Variants in SLC25A33 observed in about 807,000 individuals in gnomAD.
SLC25A33 encodes the protein solute carrier family 25 member 33.
A neutral mutation model predicts 35.5 loss-of-function variants in SLC25A33; 15 were observed. That is an observed-to-expected ratio of 0.42 (90% CI 0.28 to 0.65). SLC25A33 has a LOEUF of 0.65. SLC25A33 is among the 30% of genes least tolerant of loss of function. The pLI, the probability that SLC25A33 is intolerant of heterozygous loss-of-function variation, is 0.20. For synonymous variants in SLC25A33, 136 were observed against 148.7 expected (o/e 0.91, Z 0.62); for missense variants, 257 against 398.5 (o/e 0.64, Z 3.02).
At chr1:9,540,512 T>C (rs1461687769) in intron 1 of SLC25A33, among the ~76,000 whole-genome samples, 1 of 152,102 alleles carries the variant, frequency 6.6e-6, no homozygotes, top group African/African-American at 2.4e-5. Context: ...ATGGTACCCC[T>C]CGCCACCTCC....
intron 2 of SLC25A33, among the ~76,000 whole-genome samples, chr1:9,565,409 G>T (rs995006239): frequency 5.3e-5 from 8 of 151,610 alleles, no homozygotes; most frequent in Admixed American, 2.0e-4. Flanking sequence ...CCAGCTACTT[G>T]GTAGGCTGAG....
rs1254030862 is a variant in SLC25A33, at chr1:9,582,737, C to T, written c.*236C>T. On this transcript the variant is annotated 3_prime_UTR_variant, in exon 7 of 7. Transcript: ENST00000302692. This position sits in a 1 kb window ranked among gnomAD's most constrained non-coding sequence, Gnocchi z 4.0. ...ACTTAAGAGGATTCAGGGTTAAGCACCAACTAAATTAAATCATGCTATTTA... is the reference window on the plus strand; with the variant it reads ...ACTTAAGAGGATTCAGGGTTAAGCATCAACTAAATTAAATCATGCTATTTA... The T allele has an allele frequency of 1.0e-5, 5 of 502,476 alleles. No homozygotes were observed. The highest frequency in any genetic ancestry group is 1.7e-5 in the Non-Finnish European group (5 of 286,176). 31.1% of individuals were successfully genotyped at this position (502,476 alleles called of 1,614,324 possible).
chr1:9,557,274 T>C (rs555560926), intron 2 of SLC25A33, among the ~76,000 whole-genome samples: 6 of 152,346 alleles, frequency 3.9e-5, no homozygotes, highest in Middle Eastern at 3.4e-3. Flanking sequence ...CATCAAAATA[T>C]AAACAATGGC....
intron 3 of SLC25A33, among the ~76,000 whole-genome samples, chr1:9,567,786 G>A (rs1483907246): frequency 1.3e-5 from 2 of 152,172 alleles, no homozygotes; most frequent in Admixed American, 6.6e-5. Context: ...CAGAGGAATT[G>A]TAAAGGCTTT....
rs375883230 is a variant in SLC25A33, at chr1:9,580,181, T to G, written c.710T>G (p.Met237Arg). ...EKNSTSFFGL[M>R]AAAALSKGCA... is the part of the protein sequence containing the mutation. The stretch of plus-strand genomic sequence containing the variant: ...AATTCCACAAGTTTTTTTGGACTTA[T>G]GGCAGCTGCTGCTCTTTCTAAGGGC... Residue 237 changes from methionine to arginine, a missense_variant, in exon 6 of 7, where the codon ATG (methionine) becomes AGG (arginine). Transcript: ENST00000302692. 6.2e-7 allele frequency: 1 copy of G among 1,609,598 alleles called. No individual in the cohort carries two copies. Among genetic ancestry groups the G allele is most frequent in the Non-Finnish European group, 8.5e-7 (1 of 1,178,430 alleles).
intron 6 of SLC25A33, among the ~76,000 whole-genome samples, chr1:9,580,939 T>A (rs892670561): frequency 2.0e-5 from 3 of 151,410 alleles, no homozygotes; most frequent in Admixed American, 2.0e-4. Context: ...CTACTTTGGG[T>A]AAGTTTATTT....
chr1:9,570,981 G>A (rs1643582289), intron 4 of SLC25A33, among the ~76,000 whole-genome samples: 1 of 152,066 alleles, frequency 6.6e-6, no homozygotes, highest in Non-Finnish European at 1.5e-5. Context: ...CCAGAGTGCT[G>A]GGATTACAGG....
At chr1:9,568,814 C>A (rs1309433316) in intron 3 of SLC25A33, among the ~76,000 whole-genome samples, 2 of 151,236 alleles carry the variant, frequency 1.3e-5, no homozygotes, top group Non-Finnish European at 3.0e-5. Flanking sequence ...TCGCTGCACT[C>A]CAGCCTGGGC....
At chr1:9,549,499 A>T (rs1323643571) in intron 1 of SLC25A33, among the ~76,000 whole-genome samples, 1 of 136,808 alleles carries the variant, frequency 7.3e-6, no homozygotes, top group African/African-American at 2.7e-5. Flanking sequence ...TGATGGTGGG[A>T]TCAACGGGGG....
chr1:9,557,381 C>T (rs1643359123), intron 2 of SLC25A33, among the ~76,000 whole-genome samples: 2 of 152,104 alleles, frequency 1.3e-5, no homozygotes, highest in African/African-American at 4.8e-5. Context: ...GCTTTATTTC[C>T]TCAGCTTTAT....
At chr1:9,581,986 C>T (rs978575022) in intron 6 of SLC25A33, among the ~76,000 whole-genome samples, 3 of 152,170 alleles carry the variant, frequency 2.0e-5, no homozygotes, top group South Asian at 4.1e-4. Flanking sequence ...TGTAGTGGCA[C>T]GATCCCGACT....
chr1:9,540,177 G>A (rs1219725537), intron 1 of SLC25A33, among the ~76,000 whole-genome samples: 1 of 152,198 alleles, frequency 6.6e-6, no homozygotes, highest in Non-Finnish European at 1.5e-5. Flanking sequence ...TGTGCCCGAG[G>A]TTCCTCAGGG....
At chr1:9,540,421 A>T (rs78666855) in intron 1 of SLC25A33, among the ~76,000 whole-genome samples, 3,560 of 152,150 alleles carry the variant, frequency 0.023, 143 homozygotes, top group African/African-American at 0.082. Context: ...TGAAAGCTGC[A>T]TTAGGTCTAT....
At chr1:9,572,490 C>A (rs1266298959) in intron 4 of SLC25A33, among the ~76,000 whole-genome samples, 1 of 151,510 alleles carries the variant, frequency 6.6e-6, no homozygotes, top group African/African-American at 2.4e-5. Context: ...CGGTGGCGGG[C>A]ACCTGTAGTC....
At position 9,563,438 on chromosome 1, in the gene SLC25A33, G is replaced by A. The variant is rs369640486; in HGVS notation, c.237-3846G>A. Reference sequence around the variant, plus strand: ...ATTCAGAGAATCTAGAGCATGAAAAGTTACATAGTGATCTGAGGAAGGAGA... The same window carrying A: ...ATTCAGAGAATCTAGAGCATGAAAAATTACATAGTGATCTGAGGAAGGAGA... On this transcript the variant is annotated intron_variant, in intron 2 of 6. Coordinates refer to ENST00000302692, the MANE Select transcript of SLC25A33 (RefSeq NM_032315.3). Among the ~76,000 whole-genome samples the A allele has an allele frequency of 5.9e-5, 9 of 152,206 alleles. No individual in the cohort carries two copies. The East Asian group carries it at 1.5e-3, about 26-fold the overall frequency.
chr1:9,550,113 AG>A (rs1643245818), intron 1 of SLC25A33, among the ~76,000 whole-genome samples: 1 of 132,762 alleles, frequency 7.5e-6, no homozygotes, highest in Non-Finnish European at 1.5e-5. Flanking sequence ...CCTTGGGTTC[AG>A]GTGATCCTCC....
intron 6 of SLC25A33, among the ~76,000 whole-genome samples, chr1:9,581,624 G>A (rs554813266): frequency 6.6e-6 from 1 of 151,880 alleles, no homozygotes; most frequent in Admixed American, 6.6e-5. Flanking sequence ...AGCTACTCAG[G>A]AGGCTGAGGC....
intron 5 of SLC25A33, among the ~76,000 whole-genome samples, chr1:9,576,100 C>T (rs1643658405): frequency 6.6e-6 from 1 of 152,208 alleles, no homozygotes; most frequent in African/African-American, 2.4e-5. Context: ...TCTTGTCATT[C>T]TGCCTAATGA....
At chr1:9,550,019 T>TCTATACATATATATATATATATATATATA (rs1643243649) in intron 1 of SLC25A33, among the ~76,000 whole-genome samples, 1 of 98,490 alleles carries the variant, frequency 1.0e-5, no homozygotes, top group South Asian at 3.5e-4. Flanking sequence ...ATATTTTTTT[T>TCTATACATATATATATATATATATATATA]TTTTTTTTTT....
Sources: gnomAD v4.1 joint callset for allele counts (sites outside exome capture counted in the v4.1 genomes callset) on GRCh38, gnomAD v4.1.1 for gene constraint, Gnocchi (gnomAD v3.1) non-coding constraint, MANE v1.5 for transcripts, NCBI Gene and HGNC (gene_info 2026-07-23, HGNC 2026-07-21) for gene names.